The following TDRD3 variants were observed in gnomAD, a reference collection of about 807,000 sequenced individuals.
The protein encoded by TDRD3 is tudor domain containing 3.
A neutral mutation model predicts 86.7 loss-of-function variants in TDRD3; 45 were observed. That is an observed-to-expected ratio of 0.52 (90% CI 0.41 to 0.67). The LOEUF (loss-of-function observed/expected upper bound fraction) is 0.67. TDRD3 is among the 30% of genes least tolerant of loss of function. TDRD3 has a pLI of 0.00. For missense variants in TDRD3, 814 were observed against 889.0 expected, an observed-to-expected ratio of 0.92 and a Z score of 1.07; for synonymous variants, 298 against 301.7, an observed-to-expected ratio of 0.99 and a Z score of 0.13.
chr13:60,487,500 AG>A (rs1178310319), intron 7 of TDRD3, among the ~76,000 whole-genome samples: 1 of 152,136 alleles, frequency 6.6e-6, no homozygotes, highest in African/African-American at 2.4e-5. Flanking sequence ...TAAAAAAAAA[AG>A]TATGCAAGAG....
At chr13:60,494,345 A>AGTAAT (rs1956665997) in intron 7 of TDRD3, 90 bp from the exon 8 acceptor site, 1 of 1,283,076 alleles carries the variant, frequency 7.8e-7, no homozygotes, top group Non-Finnish European at 1.0e-6. Context: ...AAACTTAATT[A>AGTAAT]CTTCAGTTGT....
At chr13:60,409,907 C>T (rs897282037) in intron 1 of TDRD3, among the ~76,000 whole-genome samples, 11 of 152,106 alleles carry the variant, frequency 7.2e-5, no homozygotes, top group African/African-American at 2.4e-4. Flanking sequence ...GGCTGTGTCT[C>T]CACCAAAACC....
chr13:60,452,243 A>G (rs1955566368), intron 3 of TDRD3, among the ~76,000 whole-genome samples: 1 of 152,096 alleles, frequency 6.6e-6, no homozygotes, highest in Admixed American at 6.6e-5. Flanking sequence ...CATCTTTTGT[A>G]AGCTTTATTC....
intron 7 of TDRD3, among the ~76,000 whole-genome samples, chr13:60,494,061 T>G (rs371318514): frequency 6.6e-6 from 1 of 152,224 alleles, no homozygotes; most frequent in East Asian, 1.9e-4. Flanking sequence ...AAGATAACCT[T>G]GCCTGGTAGC....
chr13:60,456,532 C>T (rs1387608181), intron 3 of TDRD3, among the ~76,000 whole-genome samples: 2 of 152,090 alleles, frequency 1.3e-5, no homozygotes, highest in African/African-American at 4.8e-5. Flanking sequence ...ATTACTAATA[C>T]AAAAGAGAAA....
intron 8 of TDRD3, among the ~76,000 whole-genome samples, chr13:60,504,377 A>G (rs1367119656): frequency 1.3e-5 from 2 of 152,234 alleles, no homozygotes; most frequent in African/African-American, 4.8e-5. Flanking sequence ...GGACCCAGAC[A>G]GAAGTGCAGA....
At position 60,397,327 on chromosome 13, in the gene TDRD3, ACCCCAGCC is replaced by A; in HGVS notation, c.-32_-25del. The A allele has an allele frequency of 1.6e-6, 1 of 642,638 alleles. No homozygotes were observed. Among genetic ancestry groups the A allele is most frequent in the Non-Finnish European group, 2.3e-6 (1 of 430,892 alleles). The allele number at this position is 642,638 out of a possible 1,614,324, so 39.8% of individuals were successfully genotyped here. ...AGTAGGAGGCCTCCCCATCACCCCC[ACCCCAGCC>A]CCCCACCACCCCCGGCCTAAGCAGC... is the stretch of plus-strand genomic sequence containing the variant. On this transcript the variant is annotated 5_prime_UTR_variant, in exon 1 of 14. An upstream open reading frame in the 5' UTR loses its in-frame stop. Coordinates refer to ENST00000377881, the MANE Select transcript of TDRD3 (RefSeq NM_001146070.2).
chr13:60,568,288 C>A (rs1028491520), intron 13 of TDRD3, among the ~76,000 whole-genome samples: 2 of 152,134 alleles, frequency 1.3e-5, no homozygotes, highest in Admixed American at 6.5e-5. Flanking sequence ...CAATGTAGCA[C>A]CTTTTTCCTT....
At chr13:60,456,473 T>C (rs1180996722) in intron 3 of TDRD3, among the ~76,000 whole-genome samples, 1 of 152,224 alleles carries the variant, frequency 6.6e-6, no homozygotes, top group Non-Finnish European at 1.5e-5. Flanking sequence ...ATGATACATC[T>C]TTCTAAGCCA....
intron 11 of TDRD3, among the ~76,000 whole-genome samples, chr13:60,534,312 C>T (rs539004667): frequency 6.6e-6 from 1 of 152,000 alleles, no homozygotes; most frequent in Non-Finnish European, 1.5e-5. Context: ...GAACTTGTCT[C>T]TAGAAATAAA....
intron 12 of TDRD3, among the ~76,000 whole-genome samples, chr13:60,554,199 A>G (rs1958133447): frequency 6.6e-6 from 1 of 152,186 alleles, no homozygotes; most frequent in Non-Finnish European, 1.5e-5. Context: ...TGGGTTTTGC[A>G]TAAATTAGTG....
intron 7 of TDRD3, among the ~76,000 whole-genome samples, chr13:60,489,364 TA>T: frequency 6.6e-6 from 1 of 152,232 alleles, no homozygotes; most frequent in East Asian, 1.9e-4. Flanking sequence ...AAGCTTAGCT[TA>T]CAACTGCTTT....
At chr13:60,554,875 T>A (rs988488307) in intron 12 of TDRD3, among the ~76,000 whole-genome samples, 6 of 152,192 alleles carry the variant, frequency 3.9e-5, no homozygotes, top group Non-Finnish European at 8.8e-5. Context: ...ATCTCAGATG[T>A]TTCAGATGTG....
At chr13:60,434,464 TAAAAA>T (rs774279549) in intron 1 of TDRD3, among the ~76,000 whole-genome samples, 1 of 130,778 alleles carries the variant, frequency 7.6e-6, no homozygotes, top group Non-Finnish European at 1.7e-5. Context: ...AGACCCTGTT[TAAAAA>T]AAAAAAAAAA....
At chr13:60,452,048 TA>T (rs1955558980) in intron 3 of TDRD3, among the ~76,000 whole-genome samples, 1 of 152,186 alleles carries the variant, frequency 6.6e-6, no homozygotes, top group African/African-American at 2.4e-5. Context: ...TTCTATGGTA[TA>T]AATATTCCCT....
intron 1 of TDRD3, among the ~76,000 whole-genome samples, chr13:60,430,287 C>T (rs976548854): frequency 1.1e-4 from 17 of 152,130 alleles, no homozygotes; most frequent in Non-Finnish European, 2.2e-4. Flanking sequence ...TTCTGGAAGG[C>T]CTCACCTTGA....
chr13:60,505,849 A>G (rs1310298704), intron 8 of TDRD3, among the ~76,000 whole-genome samples: 1 of 152,214 alleles, frequency 6.6e-6, no homozygotes, highest in Non-Finnish European at 1.5e-5. Flanking sequence ...ATGAAAAGGA[A>G]CAATGAAAGC....
chr13:60,511,413 A>T (rs1957058559), intron 10 of TDRD3, among the ~76,000 whole-genome samples: 1 of 152,274 alleles, frequency 6.6e-6, no homozygotes, highest in Admixed American at 6.5e-5. Flanking sequence ...TTCAGATTTC[A>T]TAAAAATTGA....
intron 1 of TDRD3, among the ~76,000 whole-genome samples, chr13:60,425,833 A>G (rs960738938): frequency 6.6e-6 from 1 of 152,172 alleles, no homozygotes; most frequent in Non-Finnish European, 1.5e-5. Context: ...CTCTTTCCAC[A>G]TAATGAACAG....
Sources: gnomAD v4.1 joint callset for allele counts (sites outside exome capture counted in the v4.1 genomes callset) on GRCh38, gnomAD v4.1.1 for gene constraint, MANE v1.5 for transcripts, NCBI Gene and HGNC (gene_info 2026-07-23, HGNC 2026-07-21) for gene names.